Variants in PRKD3 observed in about 807,000 individuals in gnomAD.
PRKD3 encodes serine/threonine-protein kinase D3.
PRKD3 carries 47 observed loss-of-function variants against 99.2 expected under a neutral mutation model. The observed-to-expected ratio is 0.47, with a 90% CI of 0.38 to 0.60. PRKD3 has a LOEUF of 0.60. Among genes scored for constraint, PRKD3 ranks in the 20% least tolerant of loss-of-function variants. The probability of loss-of-function intolerance (pLI) is 0.00; values close to 1 mark genes in which losing one functional copy is unlikely to be tolerated. For missense variants in PRKD3, 1,019 were observed against 1,088.4 expected, an observed-to-expected ratio of 0.94 and a Z score of 0.90; for synonymous variants, 392 against 355.4, an observed-to-expected ratio of 1.10 and a Z score of -1.16.
At chr2:37,276,482 A>G (rs1669576253) in intron 9 of PRKD3, among the ~76,000 whole-genome samples, 1 of 152,070 alleles carries the variant, frequency 6.6e-6, no homozygotes, top group East Asian at 1.9e-4. Flanking sequence ...CTCTCTGTTC[A>G]TATTCTTTGT....
At position 37,267,689 on chromosome 2, in the gene PRKD3, T is replaced by A; in HGVS notation, c.1778-153A>T. 1.7e-6 allele frequency: 1 copy of A among 602,100 alleles called. No homozygotes were observed. Among genetic ancestry groups the A allele is most frequent in the Non-Finnish European group, 2.9e-6 (1 of 350,558 alleles). 37.3% of individuals were successfully genotyped at this position (602,100 alleles called of 1,614,324 possible). ...CACACTCCTTCACTCACCTTTAATT[T>A]AGGAAAAAATTGTTTTCCCCTCCAT... On this transcript the variant is annotated intron_variant, in intron 13 of 18. Coordinates refer to ENST00000234179, the MANE Select transcript of PRKD3 (RefSeq NM_005813.6).
chr2:37,272,751 G>C (rs889186172), intron 11 of PRKD3, among the ~76,000 whole-genome samples: 8 of 152,130 alleles, frequency 5.3e-5, no homozygotes, highest in Non-Finnish European at 1.2e-4. Flanking sequence ...GCATTAGGAC[G>C]CTGAGGCAGG....
rs73927432 is a variant in PRKD3 at position 37,275,242 on chromosome 2, C to G, written c.1374+525G>C. On this transcript the variant is annotated intron_variant, in intron 10 of 18. Coordinates refer to ENST00000234179, the MANE Select transcript of PRKD3 (RefSeq NM_005813.6). Reference sequence around the variant, plus strand: ...CAAACAAAAAAACACCTGCTCAAAGCAAGCCATTAGTTCCCATTCTCTCTT... The same window carrying G: ...CAAACAAAAAAACACCTGCTCAAAGGAAGCCATTAGTTCCCATTCTCTCTT... 1.5e-3 allele frequency among the ~76,000 whole-genome samples: 235 copies of G among 152,090 alleles called. 1 individual carries two copies. The highest frequency in any genetic ancestry group is 5.4e-3 in the African/African-American group (222 of 41,480).
intron 15 of PRKD3, 142 bp downstream of exon 15, chr2:37,260,081 C>G: frequency 1.4e-6 from 1 of 727,242 alleles, no homozygotes; most frequent in Non-Finnish European, 2.2e-6. Flanking sequence ...ATGAGAATCA[C>G]TTGAATCCAG....
intron 14 of PRKD3, among the ~76,000 whole-genome samples, chr2:37,263,544 CTTTATAAATG>C (rs1461390856): frequency 6.6e-6 from 1 of 152,032 alleles, no homozygotes; most frequent in Non-Finnish European, 1.5e-5. Flanking sequence ...TTTAGTTTTT[CTTTATAAATG>C]TTTATGGTGT....
rs1671702588 is a variant in PRKD3, at chr2:37,317,168, CA to C, written c.-645del. 1.0e-6 allele frequency: 1 copy of C among 982,934 alleles called. No homozygotes were observed. The highest frequency in any genetic ancestry group is 1.8e-5 in the African/African-American group (1 of 57,110). 60.9% of individuals were successfully genotyped at this position (982,934 alleles called of 1,614,324 possible). ...ATCGAGAAAAGCTGATGCTTTCTGA[CA>C]TATAGTTAGCCTGGAAGGAAATTTT... On this transcript the variant is annotated 5_prime_UTR_variant, in exon 2 of 19. An upstream start codon of the reference 5' UTR is lost. Coordinates refer to ENST00000234179, the MANE Select transcript of PRKD3 (RefSeq NM_005813.6).
At chr2:37,290,430 C>T (rs1196343543) in intron 4 of PRKD3, among the ~76,000 whole-genome samples, 2 of 152,146 alleles carry the variant, frequency 1.3e-5, no homozygotes, top group African/African-American at 4.8e-5. Flanking sequence ...GACAGGGTTT[C>T]GCCATGTTGG....
At position 37,275,859 on chromosome 2, in the gene PRKD3, T is replaced by C. The variant is rs777913537; in HGVS notation, c.1297-15A>G. 1.0e-5 allele frequency: 16 copies of C among 1,601,714 alleles called. No individual in the cohort carries two copies. The Admixed American group carries it at 1.7e-4, about 17-fold the overall frequency. ...TGCCTCTTTCTCTATAAAATGAAGA[T>C]TGGAAAACTGTGAGGTTCAAAAATG... is the stretch of plus-strand genomic sequence containing the variant. On this transcript the variant is annotated splice_polypyrimidine_tract_variant and intron_variant, in intron 9 of 18. Coordinates refer to ENST00000234179, the MANE Select transcript of PRKD3 (RefSeq NM_005813.6).
intron 1 of PRKD3, among the ~76,000 whole-genome samples, chr2:37,321,744 T>C (rs1671892414): frequency 1.3e-5 from 2 of 152,150 alleles, no homozygotes; most frequent in South Asian, 4.1e-4. Context: ...CAGAGTATAC[T>C]AAGGGGACTC....
At chr2:37,291,356 A>T (rs1281200464) in intron 3 of PRKD3, among the ~76,000 whole-genome samples, 1 of 152,264 alleles carries the variant, frequency 6.6e-6, no homozygotes. Flanking sequence ...TATGGAACTT[A>T]ACTTCAATTT....
chr2:37,302,942 G>A (rs1183311231), intron 2 of PRKD3, among the ~76,000 whole-genome samples: 1 of 152,082 alleles, frequency 6.6e-6, no homozygotes, highest in Non-Finnish European at 1.5e-5. Context: ...ATCTCTGTTT[G>A]CCTGCTCTCT....
chr2:37,270,268 TAAAAGC>T (rs954772984), intron 12 of PRKD3, among the ~76,000 whole-genome samples: 42 of 146,358 alleles, frequency 2.9e-4, no homozygotes, highest in Non-Finnish European at 3.0e-4. Flanking sequence ...TAGTGATCTA[TAAAAGC>T]AAATCTACCT....
Position 37,269,734 on chromosome 2 carries a change from A to C in PRKD3, c.1705-47T>G, listed in dbSNP as rs1033367960. ...TTAGTATTATTTATTTCTATAATAC[A>C]ATGTCAACATCTCTGACTTTCTTCA... On this transcript the variant is annotated intron_variant, in intron 12 of 18. Transcript: ENST00000234179. 4.7e-6 allele frequency: 6 copies of C among 1,288,766 alleles called. No individual in the cohort carries two copies. In the African/African-American group the frequency reaches 8.9e-5, roughly 19 times the overall value. The allele number at this position is 1,288,766 out of a possible 1,614,324, so 79.8% of individuals were successfully genotyped here.
intron 18 of PRKD3, among the ~76,000 whole-genome samples, chr2:37,253,721 T>A (rs1667703269): frequency 6.6e-6 from 1 of 152,178 alleles, no homozygotes; most frequent in Non-Finnish European, 1.5e-5. Context: ...ATTTAGTAAC[T>A]GGTAGATGAG....
At chr2:37,275,662 A>G (rs2148541898) in intron 10 of PRKD3, 105 bp downstream of exon 10, 1 of 1,231,542 alleles carries the variant, frequency 8.1e-7, no homozygotes, top group Non-Finnish European at 1.1e-6. Flanking sequence ...TATAAACCAT[A>G]CTAGCTAGAG....
At chr2:37,277,075 T>G (rs1365980002) in intron 9 of PRKD3, among the ~76,000 whole-genome samples, 1 of 152,126 alleles carries the variant, frequency 6.6e-6, no homozygotes, top group East Asian at 1.9e-4. Flanking sequence ...GCCAGCTAAA[T>G]GTATTGGGTA....
chr2:37,316,683 G>A lies in PRKD3; in HGVS notation c.-159C>T, dbSNP rs1375015085. On this transcript the variant is annotated 5_prime_UTR_variant, in exon 2 of 19. Coordinates refer to ENST00000234179, the MANE Select transcript of PRKD3 (RefSeq NM_005813.6). Reference sequence around the variant, plus strand: ...AAGCCACTCATGCCGATACTTTTAAGTTTTATCAAGGAGTTGAATGCCCCA... The same window carrying A: ...AAGCCACTCATGCCGATACTTTTAAATTTTATCAAGGAGTTGAATGCCCCA... 8.4e-6 allele frequency: 12 copies of A among 1,433,200 alleles called. No individual in the cohort carries two copies. The highest frequency in any genetic ancestry group is 5.7e-5 in the African/African-American group (4 of 69,614). The allele number at this position is 1,433,200 out of a possible 1,614,324, so 88.8% of individuals were successfully genotyped here.
At chr2:37,295,502 G>C (rs1387995639) in intron 2 of PRKD3, among the ~76,000 whole-genome samples, 1 of 152,126 alleles carries the variant, frequency 6.6e-6, no homozygotes, top group Non-Finnish European at 1.5e-5. Flanking sequence ...GCTGGGTAGA[G>C]AGAGGGCAGA....
At chr2:37,283,956 G>A (rs1027358531) in intron 6 of PRKD3, among the ~76,000 whole-genome samples, 1 of 150,380 alleles carries the variant, frequency 6.6e-6, no homozygotes, top group Admixed American at 6.6e-5. Context: ...CTGCAAGTAT[G>A]TAGGTTTGAA....
Sources: gnomAD v4.1 joint callset for allele counts (sites outside exome capture counted in the v4.1 genomes callset) on GRCh38, gnomAD v4.1.1 for gene constraint, MANE v1.5 for transcripts, NCBI Gene and HGNC (gene_info 2026-07-23, HGNC 2026-07-21) for gene names.